The following PTPRJ variants were observed in gnomAD, a reference collection of about 807,000 sequenced individuals.
PTPRJ encodes the protein receptor-type tyrosine-protein phosphatase eta.
In PTPRJ, 129 loss-of-function variants were observed where a neutral mutation model predicts 141.3. That is an observed-to-expected ratio of 0.91 (90% confidence interval 0.79 to 1.06). The LOEUF is 1.06. Ranked by LOEUF, PTPRJ falls within the 50% of genes least tolerant of loss-of-function variation. The pLI is 0.00. For missense variants in PTPRJ, 1,601 were observed against 1,679.7 expected (o/e 0.95, Z 0.82); for synonymous variants, 610 against 640.5 (o/e 0.95, Z 0.72).
At chr11:48,147,967 T>C (rs530747637) in intron 15 of PTPRJ, among the ~76,000 whole-genome samples, 1 of 152,002 alleles carries the variant, frequency 6.6e-6, no homozygotes, top group Non-Finnish European at 1.5e-5. Context: ...TGCCTCAGCC[T>C]CTTGAGTAGC....
intron 3 of PTPRJ, among the ~76,000 whole-genome samples, chr11:48,115,574 A>G (rs956750803): frequency 1.3e-5 from 2 of 152,254 alleles, no homozygotes; most frequent in African/African-American, 4.8e-5. Flanking sequence ...AGCTGAAAGA[A>G]AAGGACACTA....
chr11:48,162,197 A>T (rs775071249), intron 22 of PTPRJ, among the ~76,000 whole-genome samples: 1 of 152,310 alleles, frequency 6.6e-6, no homozygotes, highest in Non-Finnish European at 1.5e-5. Flanking sequence ...AAAATGCCTG[A>T]ATACATTTTC....
chr11:48,116,179 C>T (rs143273770), intron 3 of PTPRJ, among the ~76,000 whole-genome samples: 1 of 151,338 alleles, frequency 6.6e-6, no homozygotes, highest in East Asian at 1.9e-4. Context: ...ACAAGAGACT[C>T]ACCTCACCTG....
intron 1 of PTPRJ, among the ~76,000 whole-genome samples, chr11:47,992,824 A>C (rs1252096557): frequency 1.1e-4 from 16 of 151,954 alleles, no homozygotes; most frequent in Admixed American, 1.1e-3. Flanking sequence ...AGTATTGTCC[A>C]TTTCAGTTAT....
At chr11:48,073,120 A>G (rs1009374123) in intron 1 of PTPRJ, among the ~76,000 whole-genome samples, 3 of 152,192 alleles carry the variant, frequency 2.0e-5, no homozygotes, top group Non-Finnish European at 4.4e-5. Flanking sequence ...CCTTGTGCCC[A>G]CTGGCTCTGT....
intron 1 of PTPRJ, among the ~76,000 whole-genome samples, chr11:48,029,304 A>G (rs922593018): frequency 1.3e-5 from 2 of 152,236 alleles, no homozygotes; most frequent in African/African-American, 2.4e-5. Context: ...GCCATGAATA[A>G]TAACTATGAT....
intron 5 of PTPRJ, among the ~76,000 whole-genome samples, chr11:48,124,666 A>G (rs555165654): frequency 6.6e-6 from 1 of 152,338 alleles, no homozygotes; most frequent in Admixed American, 6.5e-5. Context: ...CTGGAAATCC[A>G]TGCTGGGACA....
intron 1 of PTPRJ, among the ~76,000 whole-genome samples, chr11:48,092,933 C>G (rs1371039261): frequency 1.3e-5 from 2 of 152,142 alleles, no homozygotes; most frequent in African/African-American, 2.4e-5. Flanking sequence ...CTTTTCCAGT[C>G]TGAGTTTGCA....
chr11:48,111,352 GA>G (rs10561690), intron 2 of PTPRJ, among the ~76,000 whole-genome samples: 45,861 of 140,904 alleles, frequency 0.33, 8,793 homozygotes, highest in African/African-American at 0.55. Flanking sequence ...TACCTTTTAG[GA>G]AAAAAAAAAA....
chr11:48,000,791 CTG>C (rs932260348), intron 1 of PTPRJ, among the ~76,000 whole-genome samples: 4 of 152,034 alleles, frequency 2.6e-5, no homozygotes, highest in African/African-American at 9.7e-5. Context: ...TCATTTCTGT[CTG>C]TCTCCCCACC....
At chr11:47,997,604 T>TA (rs1854377143) in intron 1 of PTPRJ, among the ~76,000 whole-genome samples, 1 of 152,174 alleles carries the variant, frequency 6.6e-6, no homozygotes, top group African/African-American at 2.4e-5. Flanking sequence ...GAGTAACTGA[T>TA]ACTTTTCCTG....
chr11:48,124,277 C>G (rs943676715), intron 5 of PTPRJ, among the ~76,000 whole-genome samples: 5 of 152,214 alleles, frequency 3.3e-5, no homozygotes, highest in Non-Finnish European at 7.3e-5. Flanking sequence ...ATGAGGAGGA[C>G]AGGCACTTAA....
intron 1 of PTPRJ, among the ~76,000 whole-genome samples, chr11:48,021,952 G>GTTTCTTAAACT: frequency 1.3e-5 from 2 of 152,308 alleles, no homozygotes; most frequent in South Asian, 4.2e-4. Flanking sequence ...ACATGGGCAT[G>GTTTCTTAAACT]GAGCCTGGCT....
At chr11:48,070,299 C>T (rs752237766) in intron 1 of PTPRJ, among the ~76,000 whole-genome samples, 1 of 151,988 alleles carries the variant, frequency 6.6e-6, no homozygotes, top group Non-Finnish European at 1.5e-5. Context: ...GTCACGAGTT[C>T]GAGACCAGCC....
chr11:47,980,795 C>A lies in PTPRJ; in HGVS notation c.-118C>A. 1 of 1,036,402 alleles carries A rather than the reference C, an allele frequency of 9.6e-7. No homozygotes were observed. Among genetic ancestry groups the A allele is most frequent in the Non-Finnish European group, 1.2e-6 (1 of 865,490 alleles). The allele number at this position is 1,036,402 out of a possible 1,614,324, so 64.2% of individuals were successfully genotyped here. ...CGGGCGGAGCGGGGACGAGGCGGACCGGCTGGCGGAGGAGGAGGCGAAGGA... is the reference window on the plus strand; with the variant it reads ...CGGGCGGAGCGGGGACGAGGCGGACAGGCTGGCGGAGGAGGAGGCGAAGGA... On this transcript the variant is annotated 5_prime_UTR_variant, in exon 1 of 25. Transcript: ENST00000418331.
chr11:48,005,397 GT>G (rs1342350755), intron 1 of PTPRJ, among the ~76,000 whole-genome samples: 1 of 151,996 alleles, frequency 6.6e-6, no homozygotes, highest in Non-Finnish European at 1.5e-5. Flanking sequence ...TTTGCTTTCT[GT>G]TTCTGTGAAT....
intron 1 of PTPRJ, among the ~76,000 whole-genome samples, chr11:48,108,399 G>A (rs1027532173): frequency 6.6e-6 from 1 of 152,218 alleles, no homozygotes; most frequent in Non-Finnish European, 1.5e-5. Context: ...ATGGCCAGAA[G>A]CAGTGGCACT....
intron 8 of PTPRJ, among the ~76,000 whole-genome samples, chr11:48,133,634 G>T (rs1240247226): frequency 6.6e-6 from 1 of 152,122 alleles, no homozygotes; most frequent in Non-Finnish European, 1.5e-5. Context: ...TTGAAAACAG[G>T]CCCCTGGACA....
intron 1 of PTPRJ, among the ~76,000 whole-genome samples, chr11:48,107,784 A>G (rs1381527522): frequency 6.6e-6 from 1 of 152,128 alleles, no homozygotes; most frequent in East Asian, 1.9e-4. Context: ...TGGTCTATTT[A>G]AATACTTGGA....
Sources: gnomAD v4.1 joint callset for allele counts (sites outside exome capture counted in the v4.1 genomes callset) on GRCh38, gnomAD v4.1.1 for gene constraint, MANE v1.5 for transcripts, NCBI Gene and HGNC (gene_info 2026-07-23, HGNC 2026-07-21) for gene names.